The following VPS35L variants were observed in gnomAD, a reference collection of about 807,000 sequenced individuals.
VPS35L encodes VPS35 endosomal protein-sorting factor-like.
Under a neutral mutation model 133.0 loss-of-function variants are expected in VPS35L, and 83 were observed. The ratio of observed to expected loss-of-function variants is 0.62; its 90% confidence interval spans 0.52 to 0.75. The LOEUF (loss-of-function observed/expected upper bound fraction) is 0.75, where lower values mean the gene tolerates loss of function less well. Among genes scored for constraint, VPS35L ranks in the 30% least tolerant of loss-of-function variants. The pLI is 0.00. For missense variants in VPS35L, 1,083 were observed against 1,206.8 expected (o/e 0.90, Z 1.52); for synonymous variants, 423 against 449.9 (o/e 0.94, Z 0.76).
At chr16:19,638,098 T>C (rs1045134924) in intron 20 of VPS35L, among the ~76,000 whole-genome samples, 1 of 152,194 alleles carries the variant, frequency 6.6e-6, no homozygotes, top group African/African-American at 2.4e-5. Flanking sequence ...CCCTCAAAAA[T>C]TTAAAATATC....
At chr16:19,672,584 T>TCC (rs979508649) in intron 27 of VPS35L, among the ~76,000 whole-genome samples, 9 of 152,136 alleles carry the variant, frequency 5.9e-5, no homozygotes, top group African/African-American at 1.9e-4. Flanking sequence ...GGGAGCGAGG[T>TCC]CAGGAGGCCA....
At position 19,616,263 on chromosome 16, in the gene VPS35L, G is replaced by A. The variant is rs13333046; in HGVS notation, c.1101+72G>A. 4.0e-3 allele frequency: 5,438 copies of A among 1,353,890 alleles called. 206 individuals are homozygous for A. In the African/African-American group the frequency reaches 0.071, roughly 18 times the overall value. 83.9% of individuals were successfully genotyped at this position (1,353,890 alleles called of 1,614,324 possible). On this transcript the variant is annotated intron_variant, in intron 13 of 30. Transcript: ENST00000417362. ...ATAGCAAATTCACAAAACCCAGTTG[G>A]TTTTCCAAGTGGAGAATGCCTTAAA...
intron 28 of VPS35L, among the ~76,000 whole-genome samples, chr16:19,682,854 A>ACACCATC (rs947420474): frequency 2.6e-5 from 4 of 152,050 alleles, no homozygotes; most frequent in African/African-American, 9.7e-5. Flanking sequence ...AAGAGTGAAA[A>ACACCATC]CACCATCCCA....
At chr16:19,622,102 T>TG (rs1271313914) in intron 14 of VPS35L, among the ~76,000 whole-genome samples, 9 of 151,172 alleles carry the variant, frequency 6.0e-5, no homozygotes, top group Non-Finnish European at 8.8e-5. Flanking sequence ...CATCCCTTGG[T>TG]ATACTTAGGG....
intron 1 of VPS35L, among the ~76,000 whole-genome samples, chr16:19,560,374 G>A (rs1970989567): frequency 6.6e-6 from 1 of 152,248 alleles, no homozygotes; most frequent in Non-Finnish European, 1.5e-5. Flanking sequence ...TTGCTCAGCT[G>A]TTGATTGTTA....
At chr16:19,581,813 G>C in intron 7 of VPS35L, 160 bp downstream of exon 7, 1 of 887,156 alleles carries the variant, frequency 1.1e-6, no homozygotes, top group East Asian at 2.6e-5. Context: ...TTATGAATCT[G>C]TGTTTTTATG....
Position 19,573,205 on chromosome 16 carries a change from C to G in VPS35L, c.372C>G (p.Ile124Met). 1 of 1,613,978 alleles carries G rather than the reference C, an allele frequency of 6.2e-7. No homozygotes were observed. The highest frequency in any genetic ancestry group is 8.5e-7 in the Non-Finnish European group (1 of 1,179,912). The change falls in exon 4 of 31, where the codon ATC becomes ATG. Residue 124 changes from isoleucine (I) to methionine (M), a missense_variant. By Grantham distance (10) the Ile-to-Met change is conservative. Coordinates refer to ENST00000417362, the MANE Select transcript of VPS35L (RefSeq NM_020314.7). ...FEPWTNKRGE[I>M]LARYTTTEKL... ...CTTGGACCAACAAACGGGGAGAAAT[C>G]CTTGCCCGGTACACCACTACCGAAA...
chr16:19,569,323 C>T, intron 2 of VPS35L, 101 bp from the exon 3 acceptor site: 4 of 1,316,070 alleles, frequency 3.0e-6, no homozygotes, highest in Non-Finnish European at 3.3e-6. Flanking sequence ...GCAAATGAAC[C>T]ATCCATTCAA....
intron 26 of VPS35L, among the ~76,000 whole-genome samples, chr16:19,656,832 T>C (rs1597400798): frequency 6.6e-6 from 1 of 152,178 alleles, no homozygotes; most frequent in African/African-American, 2.4e-5. Context: ...ATGCAAAGCA[T>C]TGGGGAAGCT....
chr16:19,606,775 T>TAG (rs911848603), intron 9 of VPS35L, among the ~76,000 whole-genome samples: 3 of 152,220 alleles, frequency 2.0e-5, no homozygotes, highest in African/African-American at 7.2e-5. Context: ...ATTCATTTTT[T>TAG]AGAGAATAAA....
rs1334451453 is a variant in VPS35L at position 19,616,748 on chromosome 16, C to G, written c.1164C>G (p.Leu388=). Residue 388 remains leucine (L), a synonymous_variant, in exon 14 of 31, where the codon CTC becomes CTG. Coordinates refer to ENST00000417362, the MANE Select transcript of VPS35L (RefSeq NM_020314.7). ...AAGGAGTGGAGCTCCCATCTTACCT[C>G]CCCTTGTACCCGCCTGCCATGGACT... ...VVQGVELPSY[L]PLYPPAMDWI... 1.2e-6 allele frequency: 2 copies of G among 1,614,046 alleles called. No homozygotes were observed. Among genetic ancestry groups the G allele is most frequent in the Non-Finnish European group, 1.7e-6 (2 of 1,180,030 alleles).
chr16:19,699,586 C>G lies in VPS35L; in HGVS notation c.2731C>G (p.Gln911Glu). The G allele has an allele frequency of 1.2e-6, 2 of 1,614,180 alleles. No individual in the cohort carries two copies. The highest frequency in any genetic ancestry group is 1.7e-6 in the Non-Finnish European group (2 of 1,180,044). Residue 911 changes from glutamine (Q) to glutamate (E), a missense_variant, in exon 30 of 31, where the codon CAG becomes GAG. Coordinates refer to ENST00000417362, the MANE Select transcript of VPS35L (RefSeq NM_020314.7). This position sits in a 1 kb window ranked among gnomAD's most constrained non-coding sequence, Gnocchi z 4.2. ...GGACCTACGCAACAACAAGCTCAAC[C>G]AGCTCTCCGTCAACCTGTGGCACCT... ...HGDLRNNKLNQLSVNLWHLAQ... is the reference protein window; with the variant it reads ...HGDLRNNKLNELSVNLWHLAQ...
At chr16:19,693,382 T>G (rs1264858285) in intron 29 of VPS35L, among the ~76,000 whole-genome samples, 2 of 152,074 alleles carry the variant, frequency 1.3e-5, no homozygotes, top group Non-Finnish European at 2.9e-5. Flanking sequence ...GCCTCAGACC[T>G]GTAATCCCAA....
chr16:19,592,602 A>G (rs979493469), intron 8 of VPS35L, among the ~76,000 whole-genome samples: 2 of 151,292 alleles, frequency 1.3e-5, no homozygotes, highest in African/African-American at 4.9e-5. Flanking sequence ...CTTCCCCCAC[A>G]TGCCCATGTC....
intron 27 of VPS35L, among the ~76,000 whole-genome samples, chr16:19,680,925 A>AT: frequency 1.0e-5 from 1 of 96,126 alleles, no homozygotes; most frequent in Non-Finnish European, 2.1e-5. Flanking sequence ...CCCCCCCCCT[A>AT]AAAAAACAGG....
intron 12 of VPS35L, among the ~76,000 whole-genome samples, chr16:19,613,677 G>T (rs1972796835): frequency 6.6e-6 from 1 of 152,170 alleles, no homozygotes; most frequent in Non-Finnish European, 1.5e-5. Context: ...ACCTCGGGTT[G>T]TTTGTCCACC....
At chr16:19,682,420 T>A (rs757817528) in intron 28 of VPS35L, 30 bp downstream of exon 28, 1 of 1,594,552 alleles carries the variant, frequency 6.3e-7, no homozygotes, top group South Asian at 1.1e-5. Context: ...CAAACCATGC[T>A]CCGCATGGAT....
intron 29 of VPS35L, among the ~76,000 whole-genome samples, chr16:19,692,635 C>G (rs1975734878): frequency 6.6e-6 from 1 of 152,118 alleles, no homozygotes; most frequent in Non-Finnish European, 1.5e-5. Context: ...ATGATCTTAG[C>G]TCACTGCAAC....
chr16:19,691,129 G>A (rs1975664417), intron 28 of VPS35L, among the ~76,000 whole-genome samples: 1 of 152,198 alleles, frequency 6.6e-6, no homozygotes, highest in African/African-American at 2.4e-5. Context: ...ATGGGCTAGA[G>A]GGGTGACTTC....
Sources: gnomAD v4.1 joint callset for allele counts (sites outside exome capture counted in the v4.1 genomes callset) on GRCh38, gnomAD v4.1.1 for gene constraint, Gnocchi (gnomAD v3.1) non-coding constraint, MANE v1.5 for transcripts, NCBI Gene and HGNC (gene_info 2026-07-23, HGNC 2026-07-21) for gene names.